The following PRKN variants were observed in gnomAD, a reference collection of about 807,000 sequenced individuals.
The protein encoded by PRKN is E3 ubiquitin-protein ligase parkin.
A neutral mutation model predicts 59.5 loss-of-function variants in PRKN; 56 were observed. The ratio of observed to expected loss-of-function variants is 0.94; its 90% CI spans 0.76 to 1.18. The LOEUF (loss-of-function observed/expected upper bound fraction) is 1.18. PRKN is among the 50% of genes most tolerant of loss of function. The pLI, the probability that PRKN is intolerant of heterozygous loss-of-function variation, is 0.00. For missense variants in PRKN, 657 were observed against 596.4 expected (o/e 1.10, Z -1.06); for synonymous variants, 250 against 222.1 (o/e 1.13, Z -1.12).
chr6:162,450,445 T>C (rs1790570692), intron 1 of PRKN, among the ~76,000 whole-genome samples: 2 of 151,520 alleles, frequency 1.3e-5, no homozygotes, highest in African/African-American at 4.9e-5. Flanking sequence ...TCCTGAAGAA[T>C]ACAGCATGGA....
In PRKN at chr6:161,759,005, C is replaced by T. The variant is rs986288624; in HGVS notation, c.871+26767G>A. Among the ~76,000 whole-genome samples, 5 of 151,982 alleles carry T rather than the reference C, an allele frequency of 3.3e-5. No homozygotes were observed. The South Asian group carries it at 8.3e-4, about 25-fold the overall frequency. ...CAGCCTGGCCAAGATGGTGAAACCC[C>T]GTCTCTACTAAAAATACACAAATTA... On this transcript the variant is annotated intron_variant, in intron 7 of 11. Transcript: ENST00000366898.
At chr6:162,475,461 C>T (rs940088838) in intron 1 of PRKN, among the ~76,000 whole-genome samples, 2 of 148,078 alleles carry the variant, frequency 1.4e-5, no homozygotes, top group African/African-American at 4.9e-5. Context: ...AAATAAACAG[C>T]AGACATGTTG....
At chr6:162,370,326 A>G (rs1348015697) in intron 2 of PRKN, among the ~76,000 whole-genome samples, 1 of 152,048 alleles carries the variant, frequency 6.6e-6, no homozygotes, top group East Asian at 1.9e-4. Context: ...TTTTTTTTTA[A>G]TATAGAAAAA....
chr6:162,057,880 A>C (rs970245506), intron 4 of PRKN, among the ~76,000 whole-genome samples: 35 of 152,332 alleles, frequency 2.3e-4, no homozygotes, highest in African/African-American at 7.7e-4. Flanking sequence ...AGTGTGGATA[A>C]ATTAGCATGT....
chr6:161,443,160 AG>A (rs1464406242), intron 9 of PRKN, among the ~76,000 whole-genome samples: 1 of 152,124 alleles, frequency 6.6e-6, no homozygotes, highest in African/African-American at 2.4e-5. Context: ...ATACAAAATT[AG>A]CTGGGTGTGG....
chr6:162,556,453 G>T (rs927505644), intron 1 of PRKN, among the ~76,000 whole-genome samples: 77 of 148,260 alleles, frequency 5.2e-4, no homozygotes, highest in African/African-American at 1.8e-3. Context: ...GCATCATGTT[G>T]AAACTGTAGC....
chr6:162,542,733 A>G (rs1282390415), intron 1 of PRKN, among the ~76,000 whole-genome samples: 2 of 152,196 alleles, frequency 1.3e-5, no homozygotes, highest in Non-Finnish European at 2.9e-5. Flanking sequence ...AGCACATAGC[A>G]TAGATACTAA....
chr6:162,370,429 T>C (rs1785696565), intron 2 of PRKN, among the ~76,000 whole-genome samples: 1 of 152,176 alleles, frequency 6.6e-6, no homozygotes, highest in Admixed American at 6.6e-5. Flanking sequence ...CGTCCTTGTG[T>C]CACTATTTTA....
At chr6:162,582,586 C>G (rs2128211661) in intron 1 of PRKN, among the ~76,000 whole-genome samples, 1 of 152,262 alleles carries the variant, frequency 6.6e-6, no homozygotes, top group African/African-American at 2.4e-5. Flanking sequence ...ATCTGCAGTG[C>G]TTTATTCCTC....
chr6:161,437,428 G>T (rs991971488), intron 9 of PRKN, among the ~76,000 whole-genome samples: 1 of 152,148 alleles, frequency 6.6e-6, no homozygotes, highest in African/African-American at 2.4e-5. Context: ...TGTTGAGCTG[G>T]TATTTTCCAT....
intron 9 of PRKN, among the ~76,000 whole-genome samples, chr6:161,465,124 C>T (rs571576802): frequency 1.2e-4 from 18 of 152,314 alleles, no homozygotes; most frequent in Admixed American, 1.3e-4. Context: ...GCAGTCTAGA[C>T]GGTGAGTCTT....
At position 161,378,465 on chromosome 6, in the gene PRKN, A is replaced by G; in HGVS notation, c.1167+8329T>C. On this transcript the variant is annotated intron_variant, in intron 10 of 11. Coordinates refer to ENST00000366898, the MANE Select transcript of PRKN (RefSeq NM_004562.3). The surrounding 1 kb of genome is among the most constrained non-coding windows in gnomAD (Gnocchi z 7.3). ...CCTCGAGGAGACCAACTAACTGGCCAGTGGGTGTCAGGTGGATCACAGTGA... is the reference window on the plus strand; with the variant it reads ...CCTCGAGGAGACCAACTAACTGGCCGGTGGGTGTCAGGTGGATCACAGTGA... Among the ~76,000 whole-genome samples the G allele has an allele frequency of 6.6e-6, 1 of 152,190 alleles. No individual in the cohort carries two copies. Among genetic ancestry groups the G allele is most frequent in the Non-Finnish European group, 1.5e-5 (1 of 68,038 alleles).
intron 6 of PRKN, among the ~76,000 whole-genome samples, chr6:161,924,397 C>G (rs1301460712): frequency 6.6e-6 from 1 of 152,132 alleles, no homozygotes; most frequent in African/African-American, 2.4e-5. Flanking sequence ...TTTGTTTCCT[C>G]CTAGTTTGCG....
intron 2 of PRKN, among the ~76,000 whole-genome samples, chr6:162,430,636 A>G (rs1331991749): frequency 6.6e-6 from 1 of 152,096 alleles, no homozygotes; most frequent in African/African-American, 2.4e-5. Flanking sequence ...AATGGACTGT[A>G]TGGCTCTCTA....
Position 161,576,646 on chromosome 6 carries a change from G to A in PRKN, c.872-7230C>T, listed in dbSNP as rs534940492. On this transcript the variant is annotated intron_variant, in intron 7 of 11. Transcript: ENST00000366898. This position sits in a 1 kb window ranked among gnomAD's most constrained non-coding sequence, Gnocchi z 4.6. ...ATTGGAGCTTGCATTCTAAAGGGGC[G>A]AGAGACAATAAAAATAAACTAATAA... is the stretch of plus-strand genomic sequence containing the variant. Among the ~76,000 whole-genome samples the A allele has an allele frequency of 4.6e-5, 7 of 152,324 alleles. No individual in the cohort carries two copies. In the South Asian group the frequency reaches 6.2e-4, roughly 14 times the overall value.
At chr6:162,211,235 C>A (rs1028826832) in intron 3 of PRKN, among the ~76,000 whole-genome samples, 1 of 152,144 alleles carries the variant, frequency 6.6e-6, no homozygotes, top group Non-Finnish European at 1.5e-5. Context: ...TCACAAACAC[C>A]ACTGCAGGTG....
intron 1 of PRKN, among the ~76,000 whole-genome samples, chr6:162,462,012 G>GT (rs1377168669): frequency 2.0e-5 from 3 of 152,100 alleles, no homozygotes; most frequent in African/African-American, 7.2e-5. Context: ...CAACAACAGT[G>GT]TATTTTCATT....
rs150943998 is a variant in PRKN, at chr6:161,367,943, G to T, written c.1168-7738C>A. Among the ~76,000 whole-genome samples, 4 of 152,212 alleles carry T rather than the reference G, an allele frequency of 2.6e-5. No individual in the cohort carries two copies. The East Asian group carries it at 7.8e-4, about 30-fold the overall frequency. On this transcript the variant is annotated intron_variant, in intron 10 of 11. Coordinates refer to ENST00000366898, the MANE Select transcript of PRKN (RefSeq NM_004562.3). ...AACTAAATAACTTCAGACCCAGGCC[G>T]CCTGGCCTGCGAGCAGTCGGTTCAG... is the stretch of plus-strand genomic sequence containing the variant.
intron 6 of PRKN, among the ~76,000 whole-genome samples, chr6:161,941,141 G>C (rs1779551625): frequency 6.6e-6 from 1 of 152,316 alleles, no homozygotes; most frequent in African/African-American, 2.4e-5. Context: ...AGGGACCTAG[G>C]TGTGGACAAT....
Sources: gnomAD v4.1 joint callset for allele counts (sites outside exome capture counted in the v4.1 genomes callset) on GRCh38, gnomAD v4.1.1 for gene constraint, Gnocchi (gnomAD v3.1) non-coding constraint, MANE v1.5 for transcripts, NCBI Gene and HGNC (gene_info 2026-07-23, HGNC 2026-07-21) for gene names.